Variants in INSYN2A observed in about 807,000 individuals in gnomAD.
INSYN2A encodes family with sequence similarity 196 member A.
Under a neutral mutation model 39.4 loss-of-function variants are expected in INSYN2A, and 17 were observed. The ratio of observed to expected loss-of-function variants is 0.43; its 90% CI spans 0.30 to 0.65. INSYN2A has a LOEUF of 0.65. Among genes scored for constraint, INSYN2A ranks in the 30% least tolerant of loss-of-function variants. INSYN2A has a pLI of 0.14. For missense variants in INSYN2A, 595 were observed against 631.2 expected (o/e 0.94, Z 0.61); for synonymous variants, 255 against 265.7 (o/e 0.96, Z 0.39).
chr10:127,190,152 C>T (rs2056611359), intron 2 of INSYN2A, among the ~76,000 whole-genome samples: 1 of 152,236 alleles, frequency 6.6e-6, no homozygotes, highest in South Asian at 2.1e-4. Flanking sequence ...AATTCAAAGA[C>T]ATTCTTTCTC....
At chr10:127,180,716 A>G (rs2055643329) in intron 2 of INSYN2A, among the ~76,000 whole-genome samples, 1 of 152,258 alleles carries the variant, frequency 6.6e-6, no homozygotes, top group Admixed American at 6.5e-5. Context: ...ATGGCTAACA[A>G]TAGGTAAACA....
At chr10:127,172,038 A>G (rs1169372642) in intron 4 of INSYN2A, among the ~76,000 whole-genome samples, 3 of 152,154 alleles carry the variant, frequency 2.0e-5, no homozygotes, top group Admixed American at 2.0e-4. Context: ...ATTTGAGTTC[A>G]TTGTCGTATC....
chr10:127,149,429 A>G (rs971826062), intron 5 of INSYN2A, among the ~76,000 whole-genome samples: 17 of 152,034 alleles, frequency 1.1e-4, no homozygotes, highest in African/African-American at 4.1e-4. Context: ...CTATATTTCC[A>G]TGACAGAATT....
chr10:127,156,841 T>G (rs2053133987), intron 4 of INSYN2A, among the ~76,000 whole-genome samples: 1 of 152,194 alleles, frequency 6.6e-6, no homozygotes, highest in African/African-American at 2.4e-5. Context: ...GTGTTGGGAT[T>G]ACAGGCGTGT....
Position 127,188,450 on chromosome 10 carries a change from C to T in INSYN2A, c.-269+4155G>A, listed in dbSNP as rs184534426. On this transcript the variant is annotated intron_variant, in intron 2 of 5. Transcript: ENST00000522781. ...AGAATTCTGTTCCCTTCTAGAAATT[C>T]CATGGCTTGGGGCAGCTCTTTTCAA... Among the ~76,000 whole-genome samples the T allele has an allele frequency of 2.3e-3, 351 of 152,288 alleles. 1 individual carries two copies. The highest frequency in any genetic ancestry group is 4.0e-3 in the Non-Finnish European group (273 of 68,026).
At chr10:127,152,224 A>C (rs2052569508) in intron 5 of INSYN2A, among the ~76,000 whole-genome samples, 1 of 152,204 alleles carries the variant, frequency 6.6e-6, no homozygotes. Context: ...ACTGATGTTC[A>C]CGGAGGGTCA....
intron 1 of INSYN2A, among the ~76,000 whole-genome samples, chr10:127,193,360 A>G (rs921980702): frequency 6.6e-6 from 1 of 152,202 alleles, no homozygotes; most frequent in Non-Finnish European, 1.5e-5. Context: ...CTTGGATGCT[A>G]TGGACGCGTT....
chr10:127,151,606 G>C (rs2052492127), intron 5 of INSYN2A, among the ~76,000 whole-genome samples: 1 of 152,160 alleles, frequency 6.6e-6, no homozygotes, highest in South Asian at 2.1e-4. Flanking sequence ...TCTCTATTCA[G>C]TTTCTGAAGA....
At position 127,153,748 on chromosome 10, in the gene INSYN2A, T is replaced by C. The variant is rs565634928; in HGVS notation, c.1256+104A>G. The C allele has an allele frequency of 3.4e-6, 3 of 875,202 alleles. No homozygotes were observed. In the Admixed American group the frequency reaches 6.1e-5, roughly 18 times the overall value. 54.2% of individuals were successfully genotyped at this position (875,202 alleles called of 1,614,324 possible). A position where few individuals can be genotyped will look rare whatever the true frequency, so the allele number is the denominator to read the frequency against. ...CAAGTAAGGTCCTTCACTTTTTGTC[T>C]GATAGAATCATCCCAGCATGGCCCC... On this transcript the variant is annotated intron_variant, in intron 5 of 5. Coordinates refer to ENST00000522781, the MANE Select transcript of INSYN2A (RefSeq NM_001039762.3).
At chr10:127,173,696 T>C (rs1205152937) in intron 4 of INSYN2A, among the ~76,000 whole-genome samples, 1 of 152,176 alleles carries the variant, frequency 6.6e-6, no homozygotes, top group African/African-American at 2.4e-5. Flanking sequence ...CTTTTAATTT[T>C]TTTGCAGGAA....
rs2050678858 is a variant in INSYN2A, at chr10:127,136,153, G to A, written c.*1684C>T. 6.6e-6 allele frequency: 1 copy of A among 152,008 alleles called. No homozygotes were observed. Among genetic ancestry groups the A allele is most frequent in the Admixed American group, 6.6e-5 (1 of 15,250 alleles). 9.4% of individuals were successfully genotyped at this position (152,008 alleles called of 1,614,324 possible). On this transcript the variant is annotated 3_prime_UTR_variant, in exon 6 of 6. Transcript: ENST00000522781. ...AAAGCATACAACTGCAGTGTTGTTT[G>A]GCCCCCGAAGAATGTTTACACGACA...
intron 1 of INSYN2A, among the ~76,000 whole-genome samples, chr10:127,193,477 T>C (rs1411248108): frequency 6.6e-6 from 1 of 152,190 alleles, no homozygotes; most frequent in Non-Finnish European, 1.5e-5. Context: ...CTGTGATCAT[T>C]TCTGTATCAT....
At chr10:127,186,040 TAAC>T (rs1367030811) in intron 2 of INSYN2A, among the ~76,000 whole-genome samples, 1 of 152,334 alleles carries the variant, frequency 6.6e-6, no homozygotes, top group Admixed American at 6.5e-5. Flanking sequence ...TAGCTTGGAA[TAAC>T]AACGTTTTAG....
chr10:127,136,459 A>G lies in INSYN2A; in HGVS notation c.*1378T>C, dbSNP rs150362471. On this transcript the variant is annotated 3_prime_UTR_variant, in exon 6 of 6. Coordinates refer to ENST00000522781, the MANE Select transcript of INSYN2A (RefSeq NM_001039762.3). ...AGGTTTTCCTGTATGCTCACAAACT[A>G]TTCAAAATTTAAGTTGTACAAAAAA... The G allele has an allele frequency of 6.7e-6, 1 of 149,070 alleles. No individual in the cohort carries two copies. Among genetic ancestry groups the G allele is most frequent in the Non-Finnish European group, 1.5e-5 (1 of 67,594 alleles). 9.2% of individuals were successfully genotyped at this position (149,070 alleles called of 1,614,324 possible).
intron 2 of INSYN2A, among the ~76,000 whole-genome samples, chr10:127,185,396 C>T (rs987094013): frequency 1.3e-5 from 2 of 152,010 alleles, no homozygotes; most frequent in Non-Finnish European, 2.9e-5. Flanking sequence ...CGTGGTGATG[C>T]GTGCCTGTAA....
intron 4 of INSYN2A, among the ~76,000 whole-genome samples, chr10:127,163,528 ATGAATGAATGAG>A (rs1050658105): frequency 1.3e-5 from 2 of 152,144 alleles, no homozygotes; most frequent in Non-Finnish European, 2.9e-5. Flanking sequence ...GCTTGAGTGA[ATGAATGAATGAG>A]TGAATGAATG....
rs949396612 is a variant in INSYN2A at position 127,174,994 on chromosome 10, A to T, written c.1184+218T>A. 2.6e-5 allele frequency among the ~76,000 whole-genome samples: 4 copies of T among 152,372 alleles called. No homozygotes were observed. In the East Asian group the frequency reaches 7.7e-4, roughly 29 times the overall value. On this transcript the variant is annotated intron_variant, in intron 4 of 5. Coordinates refer to ENST00000522781, the MANE Select transcript of INSYN2A (RefSeq NM_001039762.3). Reference sequence around the variant, plus strand: ...GTATGGTTTGAATTCAAGGCCAGAAAGATGAACATTAACCAGAAAGCGTAT... The same window carrying T: ...GTATGGTTTGAATTCAAGGCCAGAATGATGAACATTAACCAGAAAGCGTAT...
chr10:127,144,184 C>T (rs139040926), intron 5 of INSYN2A, among the ~76,000 whole-genome samples: 1 of 152,262 alleles, frequency 6.6e-6, no homozygotes, highest in African/African-American at 2.4e-5. Flanking sequence ...CTCCAGTTAC[C>T]AGAGTCACCT....
At chr10:127,187,955 A>C (rs2056434298) in intron 2 of INSYN2A, among the ~76,000 whole-genome samples, 1 of 152,166 alleles carries the variant, frequency 6.6e-6, no homozygotes, top group Admixed American at 6.5e-5. Flanking sequence ...TATCTTTTTC[A>C]CCCTTTGTTG....
Sources: allele counts gnomAD v4.1 joint callset (sites outside exome capture counted in the v4.1 genomes callset), GRCh38; gene constraint gnomAD v4.1.1; transcripts MANE v1.5; gene names NCBI Gene and HGNC (gene_info 2026-07-23, HGNC 2026-07-21).